The following ADAMTS12 variants were observed in gnomAD, a reference collection of about 807,000 sequenced individuals.
ADAMTS12 encodes A disintegrin and metalloproteinase with thrombospondin motifs 12.
A neutral mutation model predicts 167.8 loss-of-function variants in ADAMTS12; 118 were observed. The observed-to-expected ratio is 0.70, with a 90% CI of 0.61 to 0.82. The LOEUF is 0.82. Among genes scored for constraint, ADAMTS12 ranks in the 40% least tolerant of loss-of-function variants. The probability of loss-of-function intolerance (pLI) is 0.00; values close to 1 mark genes in which losing one functional copy is unlikely to be tolerated. For missense variants in ADAMTS12, 1,916 were observed against 1,998.8 expected (o/e 0.96, Z 0.79); for synonymous variants, 704 against 716.9 (o/e 0.98, Z 0.29).
chr5:33,744,325 G>A (rs7721323), intron 3 of ADAMTS12, among the ~76,000 whole-genome samples: 3 of 152,172 alleles, frequency 2.0e-5, no homozygotes, highest in African/African-American at 7.2e-5. Flanking sequence ...GGGAGAAGGA[G>A]TCTAAGGGCA....
At chr5:33,875,229 T>C (rs1458464325) in intron 2 of ADAMTS12, among the ~76,000 whole-genome samples, 1 of 152,220 alleles carries the variant, frequency 6.6e-6, no homozygotes, top group East Asian at 1.9e-4. Flanking sequence ...GAAAATCCTC[T>C]ATATGAGAAT....
chr5:33,581,802 A>C (rs1443837053), intron 18 of ADAMTS12, among the ~76,000 whole-genome samples: 3 of 152,176 alleles, frequency 2.0e-5, no homozygotes, highest in African/African-American at 7.2e-5. Context: ...AGTTACAATA[A>C]GGTCATTAGG....
At chr5:33,697,313 G>A (rs1742817424) in intron 3 of ADAMTS12, among the ~76,000 whole-genome samples, 2 of 152,232 alleles carry the variant, frequency 1.3e-5, no homozygotes, top group African/African-American at 4.8e-5. Flanking sequence ...AATGATAAAT[G>A]ATTAAATGTC....
At chr5:33,706,322 T>TGGGAG (rs964028299) in intron 3 of ADAMTS12, among the ~76,000 whole-genome samples, 22 of 152,180 alleles carry the variant, frequency 1.4e-4, no homozygotes, top group African/African-American at 5.1e-4. Flanking sequence ...TATTATTGTG[T>TGGGAG]GGGAGTCTAA....
chr5:33,769,945 C>T (rs991556997), intron 2 of ADAMTS12, among the ~76,000 whole-genome samples: 5 of 152,116 alleles, frequency 3.3e-5, no homozygotes, highest in Admixed American at 3.3e-4. Context: ...TGTATATACC[C>T]TTCTATAATT....
Position 33,881,564 on chromosome 5 carries a change from C to CTT in ADAMTS12, c.128-86_128-85dup, listed in dbSNP as rs11442532. The CTT allele has an allele frequency of 7.6e-3, 9,475 of 1,249,322 alleles. 209 individuals carry two copies. In the African/African-American group the frequency reaches 0.11, roughly 14 times the overall value. 77.4% of individuals were successfully genotyped at this position (1,249,322 alleles called of 1,614,324 possible). The stretch of plus-strand genomic sequence containing the variant: ...CTTTCGTTTGGAACTTGAATGCTAG[C>CTT]TTTTTTTTTTTTTGGAAATGGAGTT... On this transcript the variant is annotated intron_variant, in intron 1 of 23. Transcript: ENST00000504830.
In ADAMTS12 at chr5:33,759,739, A is replaced by G. The variant is rs1745284596; in HGVS notation, c.490-8191T>C. Among the ~76,000 whole-genome samples the G allele has an allele frequency of 3.9e-5, 6 of 152,320 alleles. No homozygotes were observed. In the South Asian group the frequency reaches 1.2e-3, roughly 32 times the overall value. On this transcript the variant is annotated intron_variant, in intron 2 of 23. Coordinates refer to ENST00000504830, the MANE Select transcript of ADAMTS12 (RefSeq NM_030955.4). ...TAGAAAAGTTGCCTTTTAGTTAATT[A>G]TCTTTGTTTCTCACTTGATAGCACT...
At chr5:33,778,645 G>C (rs1007773076) in intron 2 of ADAMTS12, among the ~76,000 whole-genome samples, 2 of 151,996 alleles carry the variant, frequency 1.3e-5, no homozygotes, top group African/African-American at 2.4e-5. Flanking sequence ...AAAAGCACAA[G>C]CAACAAAGGT....
intron 3 of ADAMTS12, among the ~76,000 whole-genome samples, chr5:33,725,801 A>C (rs1324246426): frequency 6.6e-6 from 1 of 152,170 alleles, no homozygotes. Flanking sequence ...GCAGCACCAG[A>C]ATCCTCTGGG....
Position 33,662,126 on chromosome 5 carries a change from C to A in ADAMTS12, c.916-86G>T, listed in dbSNP as rs978618316. ...ATTAGGCATTCATCTCCAGAGGTGT[C>A]CAAGTGAGATGAATTCAGGGTGGGT... On this transcript the variant is annotated intron_variant, in intron 5 of 23. Transcript: ENST00000504830. The A allele has an allele frequency of 1.2e-5, 18 of 1,532,690 alleles. No homozygotes were observed. The African/African-American group carries it at 2.4e-4, about 21-fold the overall frequency. The allele number at this position is 1,532,690 out of a possible 1,614,324, so 94.9% of individuals were successfully genotyped here.
intron 3 of ADAMTS12, among the ~76,000 whole-genome samples, chr5:33,745,221 G>C (rs911835654): frequency 6.6e-6 from 1 of 152,248 alleles, no homozygotes; most frequent in South Asian, 2.1e-4. Context: ...GGCCTTTGCA[G>C]GATGAAGCCA....
At chr5:33,560,958 A>G (rs890506688) in intron 20 of ADAMTS12, 69 bp downstream of exon 20, 17 of 1,555,044 alleles carry the variant, frequency 1.1e-5, no homozygotes, top group Admixed American at 2.0e-5. Context: ...AAGTGTTTAT[A>G]TAAGATTCCC....
At chr5:33,715,021 CAT>C (rs1349229804) in intron 3 of ADAMTS12, among the ~76,000 whole-genome samples, 12 of 152,144 alleles carry the variant, frequency 7.9e-5, no homozygotes, top group Admixed American at 1.3e-4. Flanking sequence ...CTGATTTGAT[CAT>C]TGTACATTGT....
At chr5:33,793,272 T>G (rs1012658548) in intron 2 of ADAMTS12, among the ~76,000 whole-genome samples, 1 of 152,274 alleles carries the variant, frequency 6.6e-6, no homozygotes, top group Non-Finnish European at 1.5e-5. Flanking sequence ...AAGGTTTGTG[T>G]GTAATGAGGC....
chr5:33,536,664 C>T (rs1744428358), intron 22 of ADAMTS12, among the ~76,000 whole-genome samples: 1 of 152,212 alleles, frequency 6.6e-6, no homozygotes, highest in African/African-American at 2.4e-5. Flanking sequence ...CATTATCCCT[C>T]CATTCTTTGC....
chr5:33,646,738 A>G (rs75153513), intron 9 of ADAMTS12, among the ~76,000 whole-genome samples: 85,695 of 151,678 alleles, frequency 0.56, 24,843 homozygotes, highest in East Asian at 0.67. Flanking sequence ...GTAATATGTT[A>G]AAAAAACCCC....
intron 2 of ADAMTS12, among the ~76,000 whole-genome samples, chr5:33,853,433 T>C (rs1443979540): frequency 1.3e-5 from 2 of 152,180 alleles, no homozygotes; most frequent in Non-Finnish European, 2.9e-5. Flanking sequence ...GCAGCTTTTC[T>C]GGTAAGAGCT....
chr5:33,618,180 C>G (rs1288637731), intron 14 of ADAMTS12, among the ~76,000 whole-genome samples: 1 of 152,168 alleles, frequency 6.6e-6, no homozygotes. Flanking sequence ...TTAAGAAATT[C>G]ATGATGAAAT....
chr5:33,796,505 G>A (rs942409665), intron 2 of ADAMTS12, among the ~76,000 whole-genome samples: 1 of 152,136 alleles, frequency 6.6e-6, no homozygotes, highest in South Asian at 2.1e-4. Context: ...TGCCTAAAAA[G>A]GTGTTGCTCA....
Sources: gnomAD v4.1 joint callset for allele counts (sites outside exome capture counted in the v4.1 genomes callset) on GRCh38, gnomAD v4.1.1 for gene constraint, MANE v1.5 for transcripts, NCBI Gene and HGNC (gene_info 2026-07-23, HGNC 2026-07-21) for gene names.